MACROD1: variants seen among roughly 807,000 people sequenced by gnomAD.
The protein encoded by MACROD1 is ADP-ribose glycohydrolase MACROD1.
Under a neutral mutation model 41.4 loss-of-function variants are expected in MACROD1, and 31 were observed. That is an observed-to-expected ratio of 0.75 (90% CI 0.56 to 1.01). The LOEUF is 1.01. Ranked by LOEUF, MACROD1 falls within the 50% of genes least tolerant of loss-of-function variation. MACROD1 has a pLI of 0.00. For synonymous variants in MACROD1, 252 were observed against 203.4 expected, an observed-to-expected ratio of 1.24 and a Z score of -2.03; for missense variants, 473 against 460.0, an observed-to-expected ratio of 1.03 and a Z score of -0.26.
intron 4 of MACROD1, chr11:64,001,957 T>A (rs1942833006): frequency 3.3e-6 from 2 of 599,054 alleles, no homozygotes; most frequent in Non-Finnish European, 3.0e-6. Context: ...GAAAATGGGA[T>A]AATAGCACCC....
At chr11:64,116,307 CCCACTGCCACTGTCACGG>C (rs1490671579) in intron 3 of MACROD1, 4 of 1,607,164 alleles carry the variant, frequency 2.5e-6, no homozygotes, top group Non-Finnish European at 3.4e-6. Context: ...CACCACCACG[CCCACTGCCACTGTCACGG>C]CCACCGTTGT....
chr11:64,011,984 C>G (rs908057245), intron 4 of MACROD1, among the ~76,000 whole-genome samples: 7 of 152,246 alleles, frequency 4.6e-5, no homozygotes, highest in Admixed American at 3.3e-4. Context: ...ATCGTCCCTA[C>G]CACAGCCCCC....
chr11:64,007,335 A>G (rs2134327695), intron 4 of MACROD1, among the ~76,000 whole-genome samples: 1 of 152,200 alleles, frequency 6.6e-6, no homozygotes, highest in Middle Eastern at 3.4e-3. Flanking sequence ...GGCCCCGAGG[A>G]AGGAGGGAGG....
chr11:64,111,202 C>G (rs1400019064), intron 3 of MACROD1, among the ~76,000 whole-genome samples: 1 of 152,210 alleles, frequency 6.6e-6, no homozygotes, highest in East Asian at 1.9e-4. Context: ...TGGCTTTGGC[C>G]TTAACAAGTT....
chr11:64,091,357 C>T (rs552942226), intron 3 of MACROD1, among the ~76,000 whole-genome samples: 223 of 152,188 alleles, frequency 1.5e-3, no homozygotes, highest in African/African-American at 5.3e-3. Flanking sequence ...CCGTTACAAT[C>T]TCATTCATTC....
In MACROD1 at chr11:64,122,327, G is replaced by A. The variant is rs993285196; in HGVS notation, c.517+28912C>T. Among the ~76,000 whole-genome samples, 3 of 152,218 alleles carry A rather than the reference G, an allele frequency of 2.0e-5. No homozygotes were observed. Among genetic ancestry groups the A allele is most frequent in the South Asian group, 2.1e-4 (1 of 4,832 alleles). ...TGACACAGGGCCAGGATGCAGGTCC[G>A]GAGCCAAGAGCAGGGGCATTGCACC... is the stretch of plus-strand genomic sequence containing the variant. On this transcript the variant is annotated intron_variant, in intron 3 of 10. Transcript: ENST00000255681. This position sits in a 1 kb window ranked among gnomAD's most constrained non-coding sequence, Gnocchi z 4.0.
intron 3 of MACROD1, among the ~76,000 whole-genome samples, chr11:64,132,075 G>A (rs535981943): frequency 6.6e-6 from 1 of 152,322 alleles, no homozygotes; most frequent in Admixed American, 6.5e-5. Flanking sequence ...GGAGAACTAT[G>A]CAGAAATGGC....
chr11:64,116,714 C>T, intron 3 of MACROD1: 1 of 1,613,814 alleles, frequency 6.2e-7, no homozygotes, highest in Non-Finnish European at 8.5e-7. Flanking sequence ...CGCTGGCCCG[C>T]ATCCCGCTGC....
intron 3 of MACROD1, among the ~76,000 whole-genome samples, chr11:64,017,517 G>T (rs539511517): frequency 6.6e-6 from 1 of 152,062 alleles, no homozygotes; most frequent in Admixed American, 6.6e-5. Flanking sequence ...TCTGAGGGTC[G>T]GTCAGAGGGA....
chr11:64,120,894 G>A lies in MACROD1; in HGVS notation c.517+30345C>T, dbSNP rs1340233922. On this transcript the variant is annotated intron_variant, in intron 3 of 10. Transcript: ENST00000255681. The surrounding 1 kb of genome is among the most constrained non-coding windows in gnomAD (Gnocchi z 4.5). ...TGATCACTGCCTTCCCCCAAGTCCC[G>A]CCCATCTGCAACACGGTGCTGCCAG... 2.0e-5 allele frequency among the ~76,000 whole-genome samples: 3 copies of A among 151,964 alleles called. No homozygotes were observed. The highest frequency in any genetic ancestry group is 4.8e-5 in the African/African-American group (2 of 41,360).
At chr11:64,087,320 C>T (rs945360182) in intron 3 of MACROD1, 3 of 152,388 alleles carry the variant, frequency 2.0e-5, no homozygotes, top group African/African-American at 7.2e-5. Context: ...GGAACAGGGT[C>T]CGCCACCCAG....
At position 64,146,593 on chromosome 11, in the gene MACROD1, C is replaced by A. The variant is rs1945499093; in HGVS notation, c.517+4646G>T. On this transcript the variant is annotated intron_variant, in intron 3 of 10. Coordinates refer to ENST00000255681, the MANE Select transcript of MACROD1 (RefSeq NM_014067.4). This position sits in a 1 kb window ranked among gnomAD's most constrained non-coding sequence, Gnocchi z 4.7. Reference sequence around the variant, plus strand: ...GGTGTGGGGGTTTGTTCCGTCCCTGCAACTTCAAGCCCTGCCACCCGCCAG... The same window carrying A: ...GGTGTGGGGGTTTGTTCCGTCCCTGAAACTTCAAGCCCTGCCACCCGCCAG... Among the ~76,000 whole-genome samples the A allele has an allele frequency of 6.6e-6, 1 of 152,130 alleles. No homozygotes were observed. The highest frequency in any genetic ancestry group is 1.5e-5 in the Non-Finnish European group (1 of 68,000).
At chr11:64,001,209 T>G in intron 4 of MACROD1, 2 of 583,482 alleles carry the variant, frequency 3.4e-6, no homozygotes, top group Non-Finnish European at 6.1e-6. Context: ...CAGGCAGGCC[T>G]GGGTCCAGCC....
intron 3 of MACROD1, among the ~76,000 whole-genome samples, chr11:64,066,294 C>CAAAAAAA (rs59963244): frequency 3.9e-5 from 2 of 50,936 alleles, no homozygotes; most frequent in African/African-American, 6.5e-5. Flanking sequence ...GAGACTGTCT[C>CAAAAAAA]AAAAAAAAAA....
At chr11:64,079,562 C>T (rs778733503) in intron 3 of MACROD1, among the ~76,000 whole-genome samples, 3 of 152,122 alleles carry the variant, frequency 2.0e-5, no homozygotes, top group Non-Finnish European at 4.4e-5. Context: ...GCAGCCGCCA[C>T]GGGCACAGAG....
intron 3 of MACROD1, among the ~76,000 whole-genome samples, chr11:64,114,504 GATGA>G (rs1944936673): frequency 6.6e-6 from 1 of 150,538 alleles, no homozygotes; most frequent in Non-Finnish European, 1.5e-5. Context: ...TGGATGGATG[GATGA>G]ATGGATGGAT....
intron 3 of MACROD1, among the ~76,000 whole-genome samples, chr11:64,080,033 G>C (rs1322402419): frequency 6.6e-6 from 1 of 152,178 alleles, no homozygotes; most frequent in African/African-American, 2.4e-5. Flanking sequence ...TTAATTTTGA[G>C]ATGGAGTCTC....
intron 7 of MACROD1, 33 bp from the exon 8 acceptor site, chr11:63,999,437 C>T (rs1458108560): frequency 1.3e-6 from 2 of 1,557,588 alleles, no homozygotes; most frequent in South Asian, 1.2e-5. Context: ...GAGTCCTAGG[C>T]TCTGGCCCCG....
chr11:64,095,054 A>G (rs1212788379), intron 3 of MACROD1, among the ~76,000 whole-genome samples: 2 of 152,138 alleles, frequency 1.3e-5, no homozygotes, highest in East Asian at 3.9e-4. Flanking sequence ...TTCTCTCCTT[A>G]AGGCAGGCTC....
Sources: allele counts gnomAD v4.1 joint callset (sites outside exome capture counted in the v4.1 genomes callset), GRCh38; gene constraint gnomAD v4.1.1; non-coding constraint Gnocchi (gnomAD v3.1); transcripts MANE v1.5; gene names NCBI Gene and HGNC (gene_info 2026-07-23, HGNC 2026-07-21).